DNAH7: variants seen among roughly 807,000 people sequenced by gnomAD.
The protein encoded by DNAH7 is dynein axonemal heavy chain 7.
Under a neutral mutation model 444.6 loss-of-function variants are expected in DNAH7, and 397 were observed. The observed-to-expected ratio is 0.89, with a 90% confidence interval of 0.82 to 0.97. The LOEUF is 0.97. Ranked by LOEUF, DNAH7 falls within the 50% of genes least tolerant of loss-of-function variation. DNAH7 has a pLI of 0.00. For missense variants in DNAH7, 4,902 were observed against 4,800.8 expected, an observed-to-expected ratio of 1.02 and a Z score of -0.62; for synonymous variants, 1,636 against 1,624.4, an observed-to-expected ratio of 1.01 and a Z score of -0.17.
At chr2:196,062,246 T>C (rs1698170176) in intron 1 of DNAH7, among the ~76,000 whole-genome samples, 1 of 152,170 alleles carries the variant, frequency 6.6e-6, no homozygotes, top group African/African-American at 2.4e-5. Flanking sequence ...CTCCCTCATA[T>C]CTTCTCTTCC....
At chr2:195,981,273 A>G (rs1413672719) in intron 15 of DNAH7, among the ~76,000 whole-genome samples, 7 of 152,084 alleles carry the variant, frequency 4.6e-5, no homozygotes, top group Non-Finnish European at 1.0e-4. Context: ...AATACCTAGG[A>G]TTAACCAAAG....
chr2:195,777,679 A>C (rs531375718), intron 59 of DNAH7, 121 bp downstream of exon 59: 1 of 992,204 alleles, frequency 1.0e-6, no homozygotes, highest in South Asian at 1.7e-5. Context: ...GACTGAAGAA[A>C]GCACAGACAA....
chr2:195,897,130 A>G (rs2125248706), intron 29 of DNAH7, among the ~76,000 whole-genome samples: 1 of 152,308 alleles, frequency 6.6e-6, no homozygotes, highest in South Asian at 2.1e-4. Flanking sequence ...GAATGACACC[A>G]AAGGATATTA....
At chr2:195,811,302 T>C (rs750885481) in intron 51 of DNAH7, among the ~76,000 whole-genome samples, 1 of 152,220 alleles carries the variant, frequency 6.6e-6, no homozygotes, top group Non-Finnish European at 1.5e-5. Flanking sequence ...CAGACACTTA[T>C]ATTTACTGCA....
intron 49 of DNAH7, among the ~76,000 whole-genome samples, chr2:195,818,690 C>T (rs1392726449): frequency 2.0e-5 from 3 of 152,116 alleles, no homozygotes; most frequent in Non-Finnish European, 4.4e-5. Context: ...CTGCTCCCTG[C>T]CCTGCCTCTG....
chr2:195,911,511 T>C (rs1687358105), intron 24 of DNAH7, among the ~76,000 whole-genome samples: 1 of 151,532 alleles, frequency 6.6e-6, no homozygotes, highest in Non-Finnish European at 1.5e-5. Flanking sequence ...AAAACATGAA[T>C]GGAAAAAGGC....
intron 24 of DNAH7, among the ~76,000 whole-genome samples, chr2:195,914,236 G>A (rs1320549084): frequency 6.6e-6 from 1 of 152,182 alleles, no homozygotes; most frequent in Admixed American, 6.5e-5. Flanking sequence ...TCTATCAAGA[G>A]CACTACTAAA....
chr2:195,919,990 A>G (rs1687926701), intron 24 of DNAH7, among the ~76,000 whole-genome samples: 1 of 152,210 alleles, frequency 6.6e-6, no homozygotes, highest in African/African-American at 2.4e-5. Context: ...TTCAAGATGT[A>G]GGCCATTAAA....
chr2:196,024,150 C>A (rs984788628), intron 8 of DNAH7, among the ~76,000 whole-genome samples: 1 of 152,044 alleles, frequency 6.6e-6, no homozygotes, highest in African/African-American at 2.4e-5. Context: ...AGTGAGCACA[C>A]ACTGTTAGAA....
In DNAH7 at chr2:195,987,737, G is replaced by C. The variant is rs181508515; in HGVS notation, c.1626+220C>G. On this transcript the variant is annotated intron_variant, in intron 13 of 64. Coordinates refer to ENST00000312428, the MANE Select transcript of DNAH7 (RefSeq NM_018897.3). ...TATATAAAATACGTGTCAGAGTTGC[G>C]GTAGTAGAGTCTCAGCTACATGAGC... is the stretch of plus-strand genomic sequence containing the variant. Among the ~76,000 whole-genome samples, 508 of 152,082 alleles carry C rather than the reference G, an allele frequency of 3.3e-3. 3 individuals are homozygous for C. Among genetic ancestry groups the C allele is most frequent in the East Asian group, 6.2e-3 (32 of 5,184 alleles).
At chr2:195,875,892 A>G in intron 37 of DNAH7, 49 bp from the exon 38 acceptor site, 1 of 1,545,180 alleles carries the variant, frequency 6.5e-7, no homozygotes, top group Non-Finnish European at 8.8e-7. Context: ...ATCTCAACAT[A>G]CAGTCCTATT....
At chr2:195,949,896 G>A (rs1336242012) in intron 19 of DNAH7, among the ~76,000 whole-genome samples, 2 of 152,094 alleles carry the variant, frequency 1.3e-5, no homozygotes. Flanking sequence ...TTATGTGATG[G>A]ATTACGTTTA....
intron 8 of DNAH7, among the ~76,000 whole-genome samples, chr2:196,021,632 C>A (rs1315127458): frequency 4.0e-5 from 6 of 150,842 alleles, no homozygotes; most frequent in Non-Finnish European, 7.4e-5. Flanking sequence ...CCAGCCTGGG[C>A]AACATAGGGA....
chr2:195,896,418 T>TAC (rs898969964), intron 29 of DNAH7, among the ~76,000 whole-genome samples: 13 of 152,196 alleles, frequency 8.5e-5, no homozygotes, highest in African/African-American at 3.1e-4. Flanking sequence ...TTTGGTATTG[T>TAC]ACTTAAGTAA....
Position 195,855,927 on chromosome 2 carries a change from C to T in DNAH7, c.8479G>A (p.Ala2827Thr), listed in dbSNP as rs937246478. Residue 2827 changes from alanine (A) to threonine (T), a missense_variant, in exon 45 of 65, where the codon GCC becomes ACC. Ala to Thr is a moderately conservative substitution (Grantham distance 58, BLOSUM62 0). Coordinates refer to ENST00000312428, the MANE Select transcript of DNAH7 (RefSeq NM_018897.3). Reference protein sequence around the residue: ...LAAAEGELKIAMDGLRKKQAA... With the variant: ...LAAAEGELKITMDGLRKKQAA... The stretch of plus-strand genomic sequence containing the variant: ...TGCTTCTTTCTAAGACCATCCATGG[C>T]AATTTTAAGCTCCCCTTCAGCTGCA... The T allele has an allele frequency of 6.2e-7, 1 of 1,613,824 alleles. No individual in the cohort carries two copies. The highest frequency in any genetic ancestry group is 1.3e-5 in the African/African-American group (1 of 74,910).
intron 41 of DNAH7, among the ~76,000 whole-genome samples, chr2:195,863,817 A>T (rs1700159378): frequency 6.6e-6 from 1 of 152,034 alleles, no homozygotes; most frequent in South Asian, 2.1e-4. Flanking sequence ...TGGTTCCCTT[A>T]ACCCTGCCTA....
At chr2:195,921,315 G>A (rs1270416250) in intron 24 of DNAH7, among the ~76,000 whole-genome samples, 2 of 149,416 alleles carry the variant, frequency 1.3e-5, no homozygotes, top group Non-Finnish European at 3.0e-5. Context: ...CAGCCCAAAT[G>A]CCCATCAGTC....
At chr2:195,992,496 G>C (rs1275722711) in intron 12 of DNAH7, among the ~76,000 whole-genome samples, 1 of 152,168 alleles carries the variant, frequency 6.6e-6, no homozygotes, top group Non-Finnish European at 1.5e-5. Context: ...AAACTGGCTG[G>C]GGCTTTTGTG....
chr2:195,857,351 C>G (rs1472423109), intron 44 of DNAH7, 26 bp downstream of exon 44: 2 of 1,515,402 alleles, frequency 1.3e-6, no homozygotes, highest in African/African-American at 2.8e-5. Context: ...ACCATACCAG[C>G]TGGATTTCTT....
Sources: gnomAD v4.1 joint callset for allele counts (sites outside exome capture counted in the v4.1 genomes callset) on GRCh38, gnomAD v4.1.1 for gene constraint, MANE v1.5 for transcripts, NCBI Gene and HGNC (gene_info 2026-07-23, HGNC 2026-07-21) for gene names.